Variants in ZC3H15 observed in about 807,000 individuals in gnomAD.
ZC3H15 encodes zinc finger CCCH-type containing 15, also known as zinc finger CCCH domain-containing protein 15.
ZC3H15 carries 15 observed loss-of-function variants against 51.2 expected under a neutral mutation model. The ratio of observed to expected loss-of-function variants is 0.29; its 90% CI spans 0.20 to 0.45. ZC3H15 has a LOEUF of 0.45. Among genes scored for constraint, ZC3H15 ranks in the 20% least tolerant of loss-of-function variants. The pLI, the probability that ZC3H15 is intolerant of heterozygous loss-of-function variation, is 1.00. For missense variants in ZC3H15, 381 were observed against 494.7 expected, an observed-to-expected ratio of 0.77 and a Z score of 2.18; for synonymous variants, 144 against 162.8, an observed-to-expected ratio of 0.88 and a Z score of 0.88.
chr2:186,486,389 C>A lies in ZC3H15; in HGVS notation c.7C>A (p.Pro3Thr). The A allele has an allele frequency of 6.5e-7, 1 of 1,548,536 alleles. No individual in the cohort carries two copies. The highest frequency in any genetic ancestry group is 8.7e-7 in the Non-Finnish European group (1 of 1,144,006). MP[P>T]KKQAQAGGSK... ...GGTGCCATCTGTCTCCGCAATGCCC[C>A]CCAAGAAACAGGCTCAGGCCGGGGG... The change falls in exon 1 of 10, where the codon CCC becomes ACC. Residue 3 changes from proline to threonine, a missense_variant. This residue lies in a region of ZC3H15 where 125 missense variants were observed against 166.3 expected (regional missense o/e 0.75). Coordinates refer to ENST00000337859, the MANE Select transcript of ZC3H15 (RefSeq NM_018471.3).
intron 3 of ZC3H15, 151 bp downstream of exon 3, chr2:186,500,444 CT>C: frequency 1.4e-6 from 1 of 722,898 alleles, no homozygotes; most frequent in Non-Finnish European, 2.3e-6. Flanking sequence ...CAGTGGGTTG[CT>C]TATGATTCCT....
chr2:186,504,222 G>A lies in ZC3H15; in HGVS notation c.717+8G>A, dbSNP rs1214829514. On this transcript the variant is annotated splice_region_variant and intron_variant, in intron 6 of 9. Transcript: ENST00000337859. ...GATCTAATTGAGAGAGAGGTAACTG[G>A]TATCCTTTTCCTACCATAAAAACTG... The A allele has an allele frequency of 1.9e-6, 3 of 1,546,692 alleles. No homozygotes were observed. The highest frequency in any genetic ancestry group is 2.8e-5 in the African/African-American group (2 of 72,066).
At chr2:186,508,435 T>A (rs1174114929) in intron 9 of ZC3H15, 108 bp from the exon 10 acceptor site, 7 of 978,158 alleles carry the variant, frequency 7.2e-6, no homozygotes, top group Non-Finnish European at 9.1e-6. Context: ...ATGGCTTTCA[T>A]GGAGAAAAGG....
At chr2:186,506,973 A>T in intron 9 of ZC3H15, 137 bp downstream of exon 9, 1 of 943,594 alleles carries the variant, frequency 1.1e-6, no homozygotes, top group Non-Finnish European at 1.5e-6. Context: ...AAATAAAAGC[A>T]GTAATAAATA....
At chr2:186,495,817 A>G (rs1685272298) in intron 2 of ZC3H15, among the ~76,000 whole-genome samples, 1 of 152,250 alleles carries the variant, frequency 6.6e-6, no homozygotes, top group Non-Finnish European at 1.5e-5. Flanking sequence ...CATGAGCAAT[A>G]GATACTAAAG....
chr2:186,493,919 G>A (rs746623472), intron 1 of ZC3H15, among the ~76,000 whole-genome samples: 5 of 149,250 alleles, frequency 3.4e-5, no homozygotes, highest in East Asian at 1.9e-4. Context: ...GAAGACCTAC[G>A]TCCAAATAAA....
rs572482571 is a variant in ZC3H15 at position 186,497,332 on chromosome 2, C to T, written c.177+1998C>T. On this transcript the variant is annotated intron_variant, in intron 2 of 9. Transcript: ENST00000337859. ...AACACTTTCCTTTCACATCCATTTT[C>T]CCAGCTTGATTCTAGAATCTAAAAC... 2.6e-5 allele frequency among the ~76,000 whole-genome samples: 4 copies of T among 152,272 alleles called. No individual in the cohort carries two copies. In the South Asian group the frequency reaches 8.3e-4, roughly 32 times the overall value.
At position 186,496,743 on chromosome 2, in the gene ZC3H15, C is replaced by T. The variant is rs1280232478; in HGVS notation, c.177+1409C>T. On this transcript the variant is annotated intron_variant, in intron 2 of 9. Coordinates refer to ENST00000337859, the MANE Select transcript of ZC3H15 (RefSeq NM_018471.3). ...GGTATAGCCTATTGATCCAAGGCTT[C>T]TAACTTATACAGCATGTTACTGTAC... Among the ~76,000 whole-genome samples the T allele has an allele frequency of 3.3e-5, 5 of 152,324 alleles. No individual in the cohort carries two copies. The South Asian group carries it at 6.2e-4, about 19-fold the overall frequency.
Position 186,506,566 on chromosome 2 carries a change from A to C in ZC3H15, c.967-147A>C, listed in dbSNP as rs1392352955. 3 of 821,364 alleles carry C rather than the reference A, an allele frequency of 3.7e-6. No individual in the cohort carries two copies. In the African/African-American group the frequency reaches 5.2e-5, roughly 14 times the overall value. 50.9% of individuals were successfully genotyped at this position (821,364 alleles called of 1,614,324 possible). A position where few individuals can be genotyped will look rare whatever the true frequency, so the allele number is the denominator to read the frequency against. Reference sequence around the variant, plus strand: ...CTCGACCTCCCAAAGTGTTGGGATTACAGGTGTGAGCCTCCACACCTGGCC... The same window carrying C: ...CTCGACCTCCCAAAGTGTTGGGATTCCAGGTGTGAGCCTCCACACCTGGCC... On this transcript the variant is annotated intron_variant, in intron 8 of 9. Transcript: ENST00000337859.
intron 2 of ZC3H15, among the ~76,000 whole-genome samples, chr2:186,497,830 C>A (rs115329804): frequency 0.015 from 2,295 of 152,222 alleles, 59 homozygotes; most frequent in African/African-American, 0.052. Flanking sequence ...ATTTTTGATA[C>A]TTGCGTGGAT....
intron 1 of ZC3H15, chr2:186,488,551 A>G (rs963472005): frequency 2.0e-5 from 3 of 152,206 alleles, no homozygotes; most frequent in African/African-American, 7.2e-5. Context: ...CCATTACAAT[A>G]TGTCACCTTT....
Position 186,508,857 on chromosome 2 carries a change from C to G in ZC3H15, c.*124C>G. 9.0e-7 allele frequency: 1 copy of G among 1,112,910 alleles called. No individual in the cohort carries two copies. Among genetic ancestry groups the G allele is most frequent in the Non-Finnish European group, 1.3e-6 (1 of 787,368 alleles). 68.9% of individuals were successfully genotyped at this position (1,112,910 alleles called of 1,614,324 possible). A position where few individuals can be genotyped will look rare whatever the true frequency, so the allele number is the denominator to read the frequency against. On this transcript the variant is annotated 3_prime_UTR_variant, in exon 10 of 10. Coordinates refer to ENST00000337859, the MANE Select transcript of ZC3H15 (RefSeq NM_018471.3). ...CTATGCTGATTCTGGAGGAGTTAAC[C>G]TCCTGCAAAAAAGGCATCTTGTCCC...
chr2:186,495,105 T>C, intron 1 of ZC3H15, 128 bp from the exon 2 acceptor site: 1 of 539,446 alleles, frequency 1.9e-6, no homozygotes, highest in Non-Finnish European at 3.2e-6. Context: ...ACTTGATGTT[T>C]AGTGTTTTGC....
At chr2:186,487,358 G>T (rs1685115724) in intron 1 of ZC3H15, 1 of 152,102 alleles carries the variant, frequency 6.6e-6, no homozygotes, top group Non-Finnish European at 1.5e-5. Flanking sequence ...AGACCCCAAC[G>T]AGGTATTTCT....
intron 5 of ZC3H15, 29 bp from the exon 6 acceptor site, chr2:186,504,003 A>G (rs1341570799): frequency 6.6e-7 from 1 of 1,522,974 alleles, no homozygotes; most frequent in African/African-American, 1.4e-5. Flanking sequence ...ACACTGAGCC[A>G]CCGCTTGTGA....
chr2:186,497,522 A>C lies in ZC3H15; in HGVS notation c.177+2188A>C, dbSNP rs931354286. Among the ~76,000 whole-genome samples, 42 of 152,338 alleles carry C rather than the reference A, an allele frequency of 2.8e-4. 1 individual carries two copies. Among genetic ancestry groups the C allele is most frequent in the African/African-American group, 9.9e-4 (41 of 41,570 alleles). ...TGAATCTTCCTATCTTTTTTGTTAC[A>C]TGATCCTTAAATAGCAACCCTGGTC... is the stretch of plus-strand genomic sequence containing the variant. On this transcript the variant is annotated intron_variant, in intron 2 of 9. Coordinates refer to ENST00000337859, the MANE Select transcript of ZC3H15 (RefSeq NM_018471.3).
chr2:186,487,408 A>G (rs1685117043), intron 1 of ZC3H15: 1 of 152,244 alleles, frequency 6.6e-6, no homozygotes, highest in South Asian at 2.1e-4. Context: ...ATAATTAAAT[A>G]GGACCTCTTG....
At chr2:186,493,265 G>T (rs143490867) in intron 1 of ZC3H15, among the ~76,000 whole-genome samples, 179 of 152,242 alleles carry the variant, frequency 1.2e-3, no homozygotes, top group African/African-American at 4.0e-3. Flanking sequence ...AGAAACAGGA[G>T]GGGTCTTCTT....
intron 9 of ZC3H15, 46 bp downstream of exon 9, chr2:186,506,882 C>T (rs745519555): frequency 6.3e-7 from 1 of 1,583,412 alleles, no homozygotes; most frequent in South Asian, 1.1e-5. Flanking sequence ...AGGAAGTTAT[C>T]TAAAGGGGGT....
Sources: allele counts gnomAD v4.1 joint callset (sites outside exome capture counted in the v4.1 genomes callset), GRCh38; gene constraint gnomAD v4.1.1; regional missense constraint gnomAD v4.1.1; transcripts MANE v1.5; gene names NCBI Gene and HGNC (gene_info 2026-07-23, HGNC 2026-07-21).